The following ADAMTS6 variants were observed in gnomAD, a reference collection of about 807,000 sequenced individuals.
The protein encoded by ADAMTS6 is ADAM metallopeptidase with thrombospondin type 1 motif 6.
In ADAMTS6, 23 loss-of-function variants were observed where a neutral mutation model predicts 144.3. The observed-to-expected ratio is 0.16, with a 90% CI of 0.11 to 0.23. ADAMTS6 has a LOEUF of 0.23. Ranked by LOEUF, ADAMTS6 falls within the 10% of genes least tolerant of loss-of-function variation. The pLI, the probability that ADAMTS6 is intolerant of heterozygous loss-of-function variation, is 1.00. For missense variants in ADAMTS6, 999 were observed against 1,379.6 expected, an observed-to-expected ratio of 0.72 and a Z score of 4.37; for synonymous variants, 444 against 457.5, an observed-to-expected ratio of 0.97 and a Z score of 0.38.
At chr5:65,473,296 A>G (rs548847614) in intron 2 of ADAMTS6, among the ~76,000 whole-genome samples, 6 of 152,248 alleles carry the variant, frequency 3.9e-5, no homozygotes, top group African/African-American at 1.4e-4. Context: ...GAACAAGCTT[A>G]TTAAAGTTTA....
chr5:65,385,532 C>T (rs1295199501), intron 7 of ADAMTS6, among the ~76,000 whole-genome samples: 2 of 152,254 alleles, frequency 1.3e-5, no homozygotes, highest in South Asian at 4.2e-4. Context: ...GTATAAAGGG[C>T]TTAGCAGAGG....
intron 15 of ADAMTS6, among the ~76,000 whole-genome samples, chr5:65,234,774 T>A (rs1035282373): frequency 6.6e-6 from 1 of 152,140 alleles, no homozygotes; most frequent in Non-Finnish European, 1.5e-5. Flanking sequence ...CCAAAGGACA[T>A]GAAATCACTA....
At chr5:65,184,610 T>G (rs1754556231) in intron 22 of ADAMTS6, among the ~76,000 whole-genome samples, 1 of 152,186 alleles carries the variant, frequency 6.6e-6, no homozygotes, top group Non-Finnish European at 1.5e-5. Context: ...GGGTTAGGGC[T>G]GCTGGACCCC....
intron 7 of ADAMTS6, among the ~76,000 whole-genome samples, chr5:65,384,923 G>A (rs996837085): frequency 6.6e-6 from 1 of 152,224 alleles, no homozygotes; most frequent in African/African-American, 2.4e-5. Flanking sequence ...GGGAGCAGCA[G>A]ATGTGGTGTC....
At chr5:65,343,634 G>A (rs1354266031) in intron 7 of ADAMTS6, among the ~76,000 whole-genome samples, 1 of 151,978 alleles carries the variant, frequency 6.6e-6, no homozygotes, top group Non-Finnish European at 1.5e-5. Context: ...ATTGGTCTGA[G>A]AAAAGAACTT....
At chr5:65,234,472 G>GTTTTTATTTT in intron 15 of ADAMTS6, among the ~76,000 whole-genome samples, 1 of 146,064 alleles carries the variant, frequency 6.8e-6, no homozygotes, top group Non-Finnish European at 1.5e-5. Context: ...TCCCAAAGAA[G>GTTTTTATTTT]AGATACAAAT....
intron 1 of ADAMTS6, among the ~76,000 whole-genome samples, chr5:65,478,375 AATTGT>A (rs1255009881): frequency 6.6e-6 from 1 of 152,218 alleles, no homozygotes; most frequent in African/African-American, 2.4e-5. Context: ...TGACCTTTTA[AATTGT>A]ATAGCAGAAA....
intron 9 of ADAMTS6, among the ~76,000 whole-genome samples, chr5:65,319,526 A>G (rs1323396050): frequency 1.7e-4 from 25 of 150,042 alleles, no homozygotes; most frequent in Admixed American, 1.7e-3. Flanking sequence ...CCAAAAAAAA[A>G]AAAAATTTAT....
At chr5:65,169,810 C>T (rs895507685) in intron 24 of ADAMTS6, among the ~76,000 whole-genome samples, 1 of 148,942 alleles carries the variant, frequency 6.7e-6, no homozygotes, top group Admixed American at 6.9e-5. Flanking sequence ...ACTGCATATT[C>T]TCACTCATAG....
intron 7 of ADAMTS6, among the ~76,000 whole-genome samples, chr5:65,390,387 G>A (rs1054387060): frequency 5.3e-5 from 8 of 152,160 alleles, no homozygotes; most frequent in Admixed American, 1.3e-4. Flanking sequence ...AGAGATTTCC[G>A]TGAGCTGGTA....
At chr5:65,234,181 A>G (rs191295040) in intron 15 of ADAMTS6, among the ~76,000 whole-genome samples, 1 of 152,076 alleles carries the variant, frequency 6.6e-6, no homozygotes, top group African/African-American at 2.4e-5. Flanking sequence ...TAAGACTACT[A>G]GAAGAAAACA....
In ADAMTS6 at chr5:65,224,390, T is replaced by A; in HGVS notation, c.2202A>T (p.Glu734Asp). 1.9e-6 allele frequency: 3 copies of A among 1,614,100 alleles called. No individual in the cohort carries two copies. The highest frequency in any genetic ancestry group is 2.5e-6 in the Non-Finnish European group (3 of 1,179,986). Residue 734 changes from glutamate (E) to aspartate (D), a missense_variant, in exon 18 of 25, where the codon GAA becomes GAT. Transcript: ENST00000381055. Reference protein sequence around the residue: ...NDSLPRGGYMEVVQIPRGSVH... With the variant: ...NDSLPRGGYMDVVQIPRGSVH... ...CAGAGCCTCTTGGTATCTGCACCAC[T>A]TCCATGTAGCCTGGAACACAGAAGA...
At position 65,244,747 on chromosome 5, in the gene ADAMTS6, G is replaced by A. The variant is rs114005099; in HGVS notation, c.1831-2541C>T. Among the ~76,000 whole-genome samples the A allele has an allele frequency of 5.5e-3, 844 of 152,176 alleles. 3 individuals are homozygous for A. Among genetic ancestry groups the A allele is most frequent in the African/African-American group, 0.017 (686 of 41,518 alleles). ...AAGGTTGCTTAGTAATAGTTTCAGC[G>A]TACAAGGATACTTTCACGATAAGTG... On this transcript the variant is annotated intron_variant, in intron 14 of 24. Coordinates refer to ENST00000381055, the MANE Select transcript of ADAMTS6 (RefSeq NM_197941.4).
chr5:65,304,638 C>G lies in ADAMTS6; in HGVS notation c.1224-4507G>C, dbSNP rs115767766. On this transcript the variant is annotated intron_variant, in intron 9 of 24. Coordinates refer to ENST00000381055, the MANE Select transcript of ADAMTS6 (RefSeq NM_197941.4). ...ATAAAGACGGGATCTCTCTATGTTA[C>G]CCAGGCTGATCTCAAACTCTGGGCT... Among the ~76,000 whole-genome samples the G allele has an allele frequency of 8.8e-3, 1,340 of 152,182 alleles. 22 individuals carry two copies. Among genetic ancestry groups the G allele is most frequent in the African/African-American group, 0.03 (1,250 of 41,520 alleles).
chr5:65,195,567 A>C (rs1286871187), intron 21 of ADAMTS6, among the ~76,000 whole-genome samples: 1 of 152,224 alleles, frequency 6.6e-6, no homozygotes. Flanking sequence ...TTCAAAAGGC[A>C]TTATTGCTTT....
At chr5:65,343,835 G>T (rs1748076121) in intron 7 of ADAMTS6, among the ~76,000 whole-genome samples, 1 of 151,788 alleles carries the variant, frequency 6.6e-6, no homozygotes, top group South Asian at 2.1e-4. Context: ...AATATATAAG[G>T]AATTAAAACA....
At chr5:65,315,312 A>G (rs936303648) in intron 9 of ADAMTS6, among the ~76,000 whole-genome samples, 6 of 151,984 alleles carry the variant, frequency 3.9e-5, no homozygotes, top group African/African-American at 1.4e-4. Flanking sequence ...TAAAATTATT[A>G]TATTACAAAC....
At chr5:65,350,892 C>T (rs754403101) in intron 7 of ADAMTS6, among the ~76,000 whole-genome samples, 45 of 152,162 alleles carry the variant, frequency 3.0e-4, no homozygotes, top group Admixed American at 2.0e-4. Context: ...AAATGATCCA[C>T]CCACCTTGGC....
chr5:65,459,452 T>C lies in ADAMTS6; in HGVS notation c.631+718A>G, dbSNP rs575487308. ...TCACAACCACTTCCCCCAACCACTA[T>C]GAACCTCACCTTTATCCCTCCAGCC... On this transcript the variant is annotated intron_variant, in intron 4 of 24. Coordinates refer to ENST00000381055, the MANE Select transcript of ADAMTS6 (RefSeq NM_197941.4). Among the ~76,000 whole-genome samples the C allele has an allele frequency of 1.6e-4, 25 of 152,304 alleles. No individual in the cohort carries two copies. The South Asian group carries it at 2.5e-3, about 15-fold the overall frequency.
Sources: gnomAD v4.1 joint callset for allele counts (sites outside exome capture counted in the v4.1 genomes callset) on GRCh38, gnomAD v4.1.1 for gene constraint, MANE v1.5 for transcripts, NCBI Gene and HGNC (gene_info 2026-07-23, HGNC 2026-07-21) for gene names.